Variants in OPCML observed in about 807,000 individuals in gnomAD.
OPCML encodes the protein opioid-binding protein/cell adhesion molecule.
Under a neutral mutation model 37.8 loss-of-function variants are expected in OPCML, and 13 were observed. That is an observed-to-expected ratio of 0.34 (90% CI 0.22 to 0.55). The LOEUF is 0.55. OPCML is among the 20% of genes least tolerant of loss of function. The pLI, the probability that OPCML is intolerant of heterozygous loss-of-function variation, is 0.91. For missense variants in OPCML, 341 were observed against 435.6 expected (o/e 0.78, Z 1.93); for synonymous variants, 176 against 168.8 (o/e 1.04, Z -0.33).
intron 1 of OPCML, among the ~76,000 whole-genome samples, chr11:132,967,035 G>T (rs892133664): frequency 1.3e-5 from 2 of 151,992 alleles, no homozygotes; most frequent in Non-Finnish European, 2.9e-5. Flanking sequence ...TGTTACTAGT[G>T]ATGTACTTAG....
rs76835398 is a variant in OPCML at position 132,492,446 on chromosome 11, G to A, written c.505+36615C>T. Among the ~76,000 whole-genome samples, 1,472 of 152,122 alleles carry A rather than the reference G, an allele frequency of 9.7e-3. 18 individuals carry two copies. The highest frequency in any genetic ancestry group is 0.033 in the African/African-American group (1,373 of 41,470). On this transcript the variant is annotated intron_variant, in intron 4 of 7. Coordinates refer to ENST00000524381, the MANE Select transcript of OPCML (RefSeq NM_001012393.5). ...GGTATAGGGCGCGAGAGAAAGAGTG[G>A]AATCAAGGATGACACCATTATTTTT...
intron 1 of OPCML, among the ~76,000 whole-genome samples, chr11:133,358,158 T>C (rs574654435): frequency 9.8e-5 from 15 of 152,366 alleles, no homozygotes; most frequent in African/African-American, 3.4e-4. Flanking sequence ...GAGCAATGAA[T>C]GAACTGATGA....
At chr11:133,247,288 G>A (rs968434765) in intron 1 of OPCML, among the ~76,000 whole-genome samples, 4 of 152,102 alleles carry the variant, frequency 2.6e-5, no homozygotes, top group Admixed American at 2.0e-4. Flanking sequence ...AGAAATAAGG[G>A]TGCTACATTT....
At chr11:133,468,539 T>A (rs150378490) in intron 1 of OPCML, among the ~76,000 whole-genome samples, 1 of 152,180 alleles carries the variant, frequency 6.6e-6, no homozygotes, top group Admixed American at 6.5e-5. Context: ...CAGGTCCAGA[T>A]GACTGACTCT....
At chr11:133,184,660 G>A (rs1486573698) in intron 1 of OPCML, among the ~76,000 whole-genome samples, 2 of 152,096 alleles carry the variant, frequency 1.3e-5, no homozygotes, top group Non-Finnish European at 2.9e-5. Flanking sequence ...TAATTAAGAC[G>A]GGGAAGTCTA....
chr11:132,514,860 C>T (rs1397888943), intron 4 of OPCML, among the ~76,000 whole-genome samples: 1 of 152,060 alleles, frequency 6.6e-6, no homozygotes, highest in Non-Finnish European at 1.5e-5. Flanking sequence ...CCCTATGATG[C>T]CCTACAAAAG....
chr11:133,418,939 A>G (rs1338106839), intron 1 of OPCML, among the ~76,000 whole-genome samples: 1 of 152,156 alleles, frequency 6.6e-6, no homozygotes, highest in Non-Finnish European at 1.5e-5. Context: ...TTGTGACTCA[A>G]CAGGTCCTGT....
rs192301111 is a variant in OPCML at position 133,149,263 on chromosome 11, G to A, written c.62-206253C>T. ...CATAAATTAAGAACTGGTAACGGACGACATTTGGAGCAGGTCCTACGGGAG... is the reference window on the plus strand; with the variant it reads ...CATAAATTAAGAACTGGTAACGGACAACATTTGGAGCAGGTCCTACGGGAG... On this transcript the variant is annotated intron_variant, in intron 1 of 7. Transcript: ENST00000524381. Among the ~76,000 whole-genome samples, 10 of 152,318 alleles carry A rather than the reference G, an allele frequency of 6.6e-5. No individual in the cohort carries two copies. The East Asian group carries it at 1.7e-3, about 26-fold the overall frequency.
At chr11:133,264,780 G>T (rs1033400310) in intron 1 of OPCML, among the ~76,000 whole-genome samples, 16 of 147,570 alleles carry the variant, frequency 1.1e-4, no homozygotes, top group African/African-American at 3.9e-4. Context: ...AAAAAAAAAA[G>T]TACGTGGTTA....
At chr11:132,607,104 G>A (rs1174286121) in intron 3 of OPCML, among the ~76,000 whole-genome samples, 1 of 152,224 alleles carries the variant, frequency 6.6e-6, no homozygotes, top group Non-Finnish European at 1.5e-5. Flanking sequence ...CACCAGCAGG[G>A]TGCTTGAGTC....
chr11:132,818,643 A>AGTGTGT (rs200336925), intron 2 of OPCML, among the ~76,000 whole-genome samples: 3 of 53,224 alleles, frequency 5.6e-5, no homozygotes, highest in Non-Finnish European at 8.6e-5. Context: ...GATAGATATG[A>AGTGTGT]GTGTATATAT....
chr11:133,445,457 C>A (rs1014129602), intron 1 of OPCML, among the ~76,000 whole-genome samples: 10 of 152,188 alleles, frequency 6.6e-5, no homozygotes, highest in African/African-American at 2.4e-4. Context: ...AATAATGGCA[C>A]CTGCCTCATC....
chr11:133,018,566 C>A (rs1331151735), intron 1 of OPCML, among the ~76,000 whole-genome samples: 1 of 152,132 alleles, frequency 6.6e-6, no homozygotes, highest in Non-Finnish European at 1.5e-5. Flanking sequence ...AGCCAGATGG[C>A]CAATGAGATG....
At chr11:133,181,308 A>C (rs73596481) in intron 1 of OPCML, among the ~76,000 whole-genome samples, 2,579 of 130,936 alleles carry the variant, frequency 0.02, 81 homozygotes, top group African/African-American at 0.068. Context: ...GGTTGTATGC[A>C]TGTCAATATT....
chr11:132,841,923 A>AAGG (rs1230853662), intron 2 of OPCML, among the ~76,000 whole-genome samples: 3 of 151,688 alleles, frequency 2.0e-5, no homozygotes, highest in Non-Finnish European at 4.4e-5. Flanking sequence ...AGTTTCAACA[A>AAGG]AGGACAAGAT....
At chr11:133,165,102 A>T (rs1404564506) in intron 1 of OPCML, among the ~76,000 whole-genome samples, 1 of 152,234 alleles carries the variant, frequency 6.6e-6, no homozygotes, top group Non-Finnish European at 1.5e-5. Flanking sequence ...CATATTTGTG[A>T]TTTGGTCACA....
intron 2 of OPCML, among the ~76,000 whole-genome samples, chr11:132,846,602 T>C (rs760565818): frequency 1.3e-5 from 2 of 152,328 alleles, no homozygotes; most frequent in East Asian, 1.9e-4. Flanking sequence ...AATCTTAGGA[T>C]TGAAGCAGCT....
chr11:132,633,479 A>G (rs1940282569), intron 3 of OPCML, among the ~76,000 whole-genome samples: 2 of 152,154 alleles, frequency 1.3e-5, no homozygotes, highest in Non-Finnish European at 2.9e-5. Flanking sequence ...TTATATCTTT[A>G]CGTAAGCAAA....
chr11:132,973,319 G>A (rs188695828), intron 1 of OPCML, among the ~76,000 whole-genome samples: 1 of 152,202 alleles, frequency 6.6e-6, no homozygotes, highest in East Asian at 1.9e-4. Context: ...GACATCCCAT[G>A]CTTATACCAC....
Sources: gnomAD v4.1 joint callset for allele counts (sites outside exome capture counted in the v4.1 genomes callset) on GRCh38, gnomAD v4.1.1 for gene constraint, MANE v1.5 for transcripts, NCBI Gene and HGNC (gene_info 2026-07-23, HGNC 2026-07-21) for gene names.